Variants in CARMIL1 observed in about 807,000 individuals in gnomAD.
The protein encoded by CARMIL1 is F-actin-uncapping protein LRRC16A.
In CARMIL1, 90 loss-of-function variants were observed where a neutral mutation model predicts 177.1. The ratio of observed to expected loss-of-function variants is 0.51; its 90% confidence interval spans 0.43 to 0.61. The LOEUF (loss-of-function observed/expected upper bound fraction) is 0.61. CARMIL1 is among the 20% of genes least tolerant of loss of function. CARMIL1 has a pLI of 0.00. For synonymous variants in CARMIL1, 577 were observed against 606.2 expected (o/e 0.95, Z 0.71); for missense variants, 1,380 against 1,667.0 (o/e 0.83, Z 3.00).
In CARMIL1 at chr6:25,581,225, T is replaced by G; in HGVS notation, c.2810-18T>G. On this transcript the variant is annotated intron_variant, in intron 30 of 36. Transcript: ENST00000329474. ...TTGGCCTTGGGCTGTTTTTTTGTTT[T>G]TTTGTTTTTAATTTTAGAAATGGAG... is the stretch of plus-strand genomic sequence containing the variant. 6.2e-7 allele frequency: 1 copy of G among 1,604,910 alleles called. No individual in the cohort carries two copies. Among genetic ancestry groups the G allele is most frequent in the Non-Finnish European group, 8.5e-7 (1 of 1,177,500 alleles).
chr6:25,505,050 C>T (rs554529212), intron 17 of CARMIL1, among the ~76,000 whole-genome samples: 1 of 152,272 alleles, frequency 6.6e-6, no homozygotes, highest in South Asian at 2.1e-4. Flanking sequence ...GTCAGTATTG[C>T]CCTTCTAAAC....
intron 3 of CARMIL1, among the ~76,000 whole-genome samples, chr6:25,421,519 A>G (rs9467508): frequency 0.73 from 110,062 of 151,588 alleles, 40,107 homozygotes; most frequent in Admixed American, 0.8. Context: ...CCATCGCATT[A>G]CTGGGTATAT....
chr6:25,543,679 G>T (rs1809132197), intron 26 of CARMIL1, among the ~76,000 whole-genome samples: 1 of 152,132 alleles, frequency 6.6e-6, no homozygotes, highest in South Asian at 2.1e-4. Flanking sequence ...CTTATGATAT[G>T]AGGCCTGAGG....
chr6:25,317,361 G>C (rs917802897), intron 2 of CARMIL1, among the ~76,000 whole-genome samples: 4 of 151,826 alleles, frequency 2.6e-5, no homozygotes, highest in Admixed American at 6.6e-5. Flanking sequence ...TGAACTCCTG[G>C]GCTCAAGCAA....
At chr6:25,392,401 T>C (rs1318408273) in intron 2 of CARMIL1, among the ~76,000 whole-genome samples, 1 of 152,212 alleles carries the variant, frequency 6.6e-6, no homozygotes, top group Admixed American at 6.5e-5. Context: ...TATACATTGT[T>C]CCCAGTTGGC....
intron 11 of CARMIL1, 171 bp downstream of exon 11, chr6:25,472,692 A>C (rs1801195825): frequency 1.7e-6 from 1 of 573,788 alleles, no homozygotes; most frequent in Non-Finnish European, 3.1e-6. Flanking sequence ...CTTATGTTAC[A>C]ATTGTATGAT....
intron 2 of CARMIL1, among the ~76,000 whole-genome samples, chr6:25,390,416 G>C (rs1351770864): frequency 1.4e-5 from 2 of 147,578 alleles, no homozygotes; most frequent in South Asian, 4.3e-4. Flanking sequence ...CTGCCTCTTG[G>C]GCTCAAGTGA....
intron 2 of CARMIL1, among the ~76,000 whole-genome samples, chr6:25,375,392 G>C (rs1273968524): frequency 1.3e-5 from 2 of 152,180 alleles, no homozygotes; most frequent in Non-Finnish European, 2.9e-5. Context: ...TAGGTTACCT[G>C]ATACTTTTGT....
chr6:25,527,666 A>G (rs747012917), intron 23 of CARMIL1: 3 of 447,108 alleles, frequency 6.7e-6, no homozygotes, highest in Non-Finnish European at 1.3e-5. Flanking sequence ...GTGCCACTTT[A>G]ATGATGTTTC....
At chr6:25,495,719 C>G (rs915398690) in intron 16 of CARMIL1, among the ~76,000 whole-genome samples, 1 of 152,154 alleles carries the variant, frequency 6.6e-6, no homozygotes, top group Admixed American at 6.5e-5. Flanking sequence ...TTTTATTTGG[C>G]AGCCAACTTA....
chr6:25,393,710 A>ATTT (rs531830183), intron 2 of CARMIL1, among the ~76,000 whole-genome samples: 2 of 143,584 alleles, frequency 1.4e-5, no homozygotes, highest in African/African-American at 2.6e-5. Flanking sequence ...CTGCTCTACA[A>ATTT]TTTTTTTTTT....
At chr6:25,392,042 G>T (rs1792874440) in intron 2 of CARMIL1, among the ~76,000 whole-genome samples, 1 of 139,592 alleles carries the variant, frequency 7.2e-6, no homozygotes, top group Non-Finnish European at 1.5e-5. Flanking sequence ...GTATGCATGT[G>T]TGTGTATATG....
intron 10 of CARMIL1, 44 bp downstream of exon 10, chr6:25,471,301 T>G: frequency 7.2e-7 from 1 of 1,386,674 alleles, no homozygotes; most frequent in Non-Finnish European, 1.0e-6. Flanking sequence ...TTTAAAACTC[T>G]GTGCCATTTG....
intron 2 of CARMIL1, among the ~76,000 whole-genome samples, chr6:25,330,051 C>A (rs1346541855): frequency 6.6e-6 from 1 of 152,146 alleles, no homozygotes; most frequent in Non-Finnish European, 1.5e-5. Flanking sequence ...GAGTTGAGGG[C>A]AAGTAGAAGA....
chr6:25,596,390 T>C (rs752597354), intron 32 of CARMIL1, among the ~76,000 whole-genome samples: 1 of 152,146 alleles, frequency 6.6e-6, no homozygotes, highest in Admixed American at 6.5e-5. Flanking sequence ...GAAGAAAGTT[T>C]GAAAATCAAA....
chr6:25,467,163 G>A (rs1800676717), intron 9 of CARMIL1, among the ~76,000 whole-genome samples: 2 of 152,148 alleles, frequency 1.3e-5, no homozygotes, highest in Admixed American at 6.5e-5. Context: ...TCAAACAAGA[G>A]TTGTGTCTGA....
intron 9 of CARMIL1, among the ~76,000 whole-genome samples, 189 bp from the exon 10 acceptor site, chr6:25,470,980 C>CT (rs1801052448): frequency 6.6e-6 from 1 of 152,216 alleles, no homozygotes; most frequent in Non-Finnish European, 1.5e-5. Context: ...AAGGCCGGGA[C>CT]TTTCTCCTTT....
intron 23 of CARMIL1, among the ~76,000 whole-genome samples, chr6:25,527,047 G>A (rs770973491): frequency 6.6e-5 from 10 of 152,038 alleles, no homozygotes; most frequent in African/African-American, 1.2e-4. Context: ...TTTGTGTTTC[G>A]TTTTTGCTTC....
intron 2 of CARMIL1, among the ~76,000 whole-genome samples, chr6:25,341,910 A>C (rs1296213658): frequency 1.3e-5 from 2 of 152,226 alleles, no homozygotes; most frequent in Non-Finnish European, 2.9e-5. Context: ...TGGAGAACAG[A>C]AATAACACTG....
Sources: gnomAD v4.1 joint callset for allele counts (sites outside exome capture counted in the v4.1 genomes callset) on GRCh38, gnomAD v4.1.1 for gene constraint, MANE v1.5 for transcripts, NCBI Gene and HGNC (gene_info 2026-07-23, HGNC 2026-07-21) for gene names.